NIBAN2: variants seen among roughly 807,000 people sequenced by gnomAD.
The protein encoded by NIBAN2 is protein Niban 2.
In NIBAN2, 36 loss-of-function variants were observed where a neutral mutation model predicts 81.8. That is an observed-to-expected ratio of 0.44 (90% CI 0.34 to 0.58). The LOEUF (loss-of-function observed/expected upper bound fraction) is 0.58. Ranked by LOEUF, NIBAN2 falls within the 20% of genes least tolerant of loss-of-function variation. The pLI, the probability that NIBAN2 is intolerant of heterozygous loss-of-function variation, is 0.02. For missense variants in NIBAN2, 897 were observed against 1,014.1 expected, an observed-to-expected ratio of 0.88 and a Z score of 1.57; for synonymous variants, 445 against 441.6, an observed-to-expected ratio of 1.01 and a Z score of -0.10.
At chr9:127,510,609 A>G (rs1836720516) in intron 8 of NIBAN2, among the ~76,000 whole-genome samples, 1 of 151,826 alleles carries the variant, frequency 6.6e-6, no homozygotes, top group Admixed American at 6.6e-5. Flanking sequence ...GCTAATTTTT[A>G]TATTTTTAGT....
chr9:127,523,193 ATATATATATATATATATATATATATATAT>A lies in NIBAN2; in HGVS notation c.589+457_589+485del, dbSNP rs1836988300. Among the ~76,000 whole-genome samples, 26 of 7,994 alleles carry A rather than the reference ATATATATATATATATATATATATATATAT, an allele frequency of 3.3e-3. 4 individuals carry two copies. Among genetic ancestry groups the A allele is most frequent in the African/African-American group, 0.011 (19 of 1,670 alleles). 5.2% of individuals were successfully genotyped at this position (7,994 alleles called of 152,430 possible). On this transcript the variant is annotated intron_variant, in intron 5 of 13. Transcript: ENST00000373312. ...TTAAAAAAAAAAAAAAAAAAAAAAAATATATATATATATATATATATATATATATATATATATATATATATATATATATA... is the reference window on the plus strand; with the variant it reads ...TTAAAAAAAAAAAAAAAAAAAAAAAAATATATATATATATATATATATATA...
At chr9:127,514,174 C>G (rs770362237) in intron 8 of NIBAN2, among the ~76,000 whole-genome samples, 7 of 148,466 alleles carry the variant, frequency 4.7e-5, no homozygotes, top group Admixed American at 2.1e-4. Context: ...GAGGCTGAGA[C>G]AGAAGAATCA....
chr9:127,534,766 C>T (rs140560871), intron 1 of NIBAN2, among the ~76,000 whole-genome samples: 3 of 152,148 alleles, frequency 2.0e-5, no homozygotes, highest in African/African-American at 7.2e-5. Context: ...TTTTAAAAAC[C>T]ATAAACAACC....
intron 1 of NIBAN2, among the ~76,000 whole-genome samples, chr9:127,575,818 C>A (rs78684043): frequency 6.6e-6 from 1 of 152,090 alleles, no homozygotes; most frequent in East Asian, 1.9e-4. Flanking sequence ...CGTGAGCCAC[C>A]GTGCCTGGCT....
intron 8 of NIBAN2, among the ~76,000 whole-genome samples, chr9:127,512,042 G>A (rs1836746939): frequency 6.6e-6 from 1 of 152,176 alleles, no homozygotes; most frequent in African/African-American, 2.4e-5. Flanking sequence ...AAGCTAAAGG[G>A]AAAAGTCAAG....
intron 1 of NIBAN2, chr9:127,578,878 A>G: frequency 6.3e-7 from 1 of 1,592,520 alleles, no homozygotes; most frequent in Non-Finnish European, 8.6e-7. Flanking sequence ...ACAAAAAAGA[A>G]CCCCGTGTGC....
At chr9:127,578,971 G>A (rs375961034) in exon 1 of NIBAN2, 63 of 1,603,486 alleles carry the variant, frequency 3.9e-5, no homozygotes, top group Non-Finnish European at 4.8e-5. Context: ...GGAAGGGACC[G>A]GAACTGGCCC....
chr9:127,550,174 C>T (rs977486778), intron 1 of NIBAN2, among the ~76,000 whole-genome samples: 1 of 152,198 alleles, frequency 6.6e-6, no homozygotes, highest in African/African-American at 2.4e-5. Context: ...GCCCCCCACC[C>T]TTCCTGGCTC....
At chr9:127,522,500 C>T (rs1354574675) in intron 5 of NIBAN2, among the ~76,000 whole-genome samples, 1 of 152,102 alleles carries the variant, frequency 6.6e-6, no homozygotes. Flanking sequence ...CCCACCCTCA[C>T]CTTGGAAGAC....
chr9:127,521,282 C>G (rs955835042), intron 5 of NIBAN2, among the ~76,000 whole-genome samples: 1 of 152,178 alleles, frequency 6.6e-6, no homozygotes, highest in Non-Finnish European at 1.5e-5. Flanking sequence ...GATGGCAGAG[C>G]GGGGCTTGAA....
At chr9:127,534,384 G>A (rs936446521) in intron 1 of NIBAN2, among the ~76,000 whole-genome samples, 3 of 152,180 alleles carry the variant, frequency 2.0e-5, no homozygotes, top group African/African-American at 7.2e-5. Context: ...CCACTTTACA[G>A]AGGAGGTAAC....
upstream of NIBAN2, among the ~76,000 whole-genome samples, chr9:127,573,082 C>T (rs1380998482): frequency 2.0e-5 from 3 of 152,134 alleles, no homozygotes; most frequent in Non-Finnish European, 2.9e-5. Context: ...ATATATATTC[C>T]ATTGTATGTA....
chr9:127,579,029 A>G, upstream of NIBAN2: 1 of 1,163,302 alleles, frequency 8.6e-7, no homozygotes, highest in Non-Finnish European at 1.3e-6. Context: ...CTGCTGAGCC[A>G]GTGCCGGACA....
At chr9:127,546,057 G>T (rs1390816046) in intron 1 of NIBAN2, among the ~76,000 whole-genome samples, 1 of 152,156 alleles carries the variant, frequency 6.6e-6, no homozygotes, top group African/African-American at 2.4e-5. Flanking sequence ...CACTCCAGGG[G>T]GTGGGCACCC....
chr9:127,533,578 G>A (rs1002673426), intron 1 of NIBAN2, among the ~76,000 whole-genome samples: 4 of 152,212 alleles, frequency 2.6e-5, no homozygotes, highest in African/African-American at 7.2e-5. Flanking sequence ...AGGCTGCAGC[G>A]AGCTATGATC....
intron 1 of NIBAN2, among the ~76,000 whole-genome samples, chr9:127,560,786 C>T (rs1837760399): frequency 6.6e-6 from 1 of 152,194 alleles, no homozygotes. Flanking sequence ...GGGGCCAGAG[C>T]TCATCACACC....
At chr9:127,568,745 T>A (rs1247181378) in intron 1 of NIBAN2, 75 bp downstream of exon 1, 103 of 1,185,872 alleles carry the variant, frequency 8.7e-5, no homozygotes, top group Non-Finnish European at 1.0e-6. Flanking sequence ...CGGCGCCAAC[T>A]GCTGGCCGGG....
In NIBAN2 at chr9:127,568,908, G is replaced by T; in HGVS notation, c.-34C>A. On this transcript the variant is annotated 5_prime_UTR_variant, in exon 1 of 14. Coordinates refer to ENST00000373312, the MANE Select transcript of NIBAN2 (RefSeq NM_022833.4). ...GGTGTCGCGGCCCGATCCGGCCGAC[G>T]CCGCCGCTGTTGCCCGCGCTGCTCA... 2 of 1,255,002 alleles carry T rather than the reference G, an allele frequency of 1.6e-6. No homozygotes were observed. Among genetic ancestry groups the T allele is most frequent in the South Asian group, 5.2e-5 (2 of 38,824 alleles). 77.7% of individuals were successfully genotyped at this position (1,255,002 alleles called of 1,614,324 possible).
At chr9:127,543,391 G>A (rs1417740873) in intron 1 of NIBAN2, among the ~76,000 whole-genome samples, 3 of 152,154 alleles carry the variant, frequency 2.0e-5, no homozygotes, top group Non-Finnish European at 2.9e-5. Context: ...CAGGTCAGCC[G>A]GCTGTCAAGC....
Sources: allele counts gnomAD v4.1 joint callset (sites outside exome capture counted in the v4.1 genomes callset), GRCh38; gene constraint gnomAD v4.1.1; transcripts MANE v1.5; gene names NCBI Gene and HGNC (gene_info 2026-07-23, HGNC 2026-07-21).